The following YEATS2 variants were observed in gnomAD, a reference collection of about 807,000 sequenced individuals.
YEATS2 encodes the protein YEATS domain containing 2, also known as YEATS domain-containing protein 2.
In YEATS2, 77 loss-of-function variants were observed where a neutral mutation model predicts 163.2. That is an observed-to-expected ratio of 0.47 (90% CI 0.39 to 0.57). The LOEUF (loss-of-function observed/expected upper bound fraction) is 0.57. Among genes scored for constraint, YEATS2 ranks in the 20% least tolerant of loss-of-function variants. The probability of loss-of-function intolerance (pLI) is 0.00; values close to 1 mark genes in which losing one functional copy is unlikely to be tolerated. For synonymous variants in YEATS2, 631 were observed against 645.1 expected (o/e 0.98, Z 0.33); for missense variants, 1,549 against 1,729.8 (o/e 0.90, Z 1.85).
At chr3:183,705,766 G>A (rs1027894182) in intron 1 of YEATS2, among the ~76,000 whole-genome samples, 8 of 152,246 alleles carry the variant, frequency 5.3e-5, no homozygotes, top group South Asian at 2.1e-4. Flanking sequence ...ATGGCTGGGC[G>A]CAGTGGCTCA....
chr3:183,776,967 A>T (rs1195032685), intron 18 of YEATS2, among the ~76,000 whole-genome samples: 1 of 151,652 alleles, frequency 6.6e-6, no homozygotes, highest in African/African-American at 2.4e-5. Context: ...AAAAAAAAAA[A>T]GGAAAAGAAT....
intron 18 of YEATS2, among the ~76,000 whole-genome samples, 179 bp downstream of exon 18, chr3:183,776,302 G>C (rs556404879): frequency 6.6e-6 from 1 of 152,210 alleles, no homozygotes; most frequent in Admixed American, 6.5e-5. Context: ...CTAGCACTTT[G>C]GGAGGCCAAG....
intron 8 of YEATS2, among the ~76,000 whole-genome samples, chr3:183,743,464 C>A (rs540538665): frequency 6.6e-6 from 1 of 152,132 alleles, no homozygotes; most frequent in East Asian, 1.9e-4. Flanking sequence ...TCTCAGCGTC[C>A]CAGGTAGCTG....
At chr3:183,800,357 A>T in intron 23 of YEATS2, 109 bp from the exon 24 acceptor site, 1 of 714,804 alleles carries the variant, frequency 1.4e-6, no homozygotes, top group Admixed American at 2.6e-5. Context: ...CAACAGCTGG[A>T]GTGGCAGTTT....
chr3:183,762,598 C>T (rs916555730), intron 15 of YEATS2, among the ~76,000 whole-genome samples: 2 of 152,102 alleles, frequency 1.3e-5, no homozygotes, highest in Admixed American at 6.6e-5. Flanking sequence ...AAAAGGGATC[C>T]GCTGTTGACT....
rs796173579 is a variant in YEATS2 at position 183,733,603 on chromosome 3, A to T, written c.813-3115A>T. On this transcript the variant is annotated intron_variant, in intron 7 of 30. Coordinates refer to ENST00000305135, the MANE Select transcript of YEATS2 (RefSeq NM_018023.5). Reference sequence around the variant, plus strand: ...TCTTAAGATGTTTGTTGTGTTAGGTATCTAAAGTAATTTAACGAATAAGGG... The same window carrying T: ...TCTTAAGATGTTTGTTGTGTTAGGTTTCTAAAGTAATTTAACGAATAAGGG... Among the ~76,000 whole-genome samples the T allele has an allele frequency of 6.6e-5, 10 of 152,226 alleles. No homozygotes were observed. The South Asian group carries it at 8.3e-4, about 13-fold the overall frequency.
At chr3:183,763,215 A>G (rs949828711) in intron 15 of YEATS2, among the ~76,000 whole-genome samples, 1 of 152,186 alleles carries the variant, frequency 6.6e-6, no homozygotes, top group African/African-American at 2.4e-5. Flanking sequence ...AAATCCAGAT[A>G]GAATAGCTAA....
At chr3:183,706,106 G>T (rs1714590197) in intron 1 of YEATS2, among the ~76,000 whole-genome samples, 2 of 152,016 alleles carry the variant, frequency 1.3e-5, no homozygotes, top group Non-Finnish European at 2.9e-5. Flanking sequence ...GAACTTTGGA[G>T]GGAGAAGGTA....
At chr3:183,756,942 A>G (rs1018780718) in intron 12 of YEATS2, among the ~76,000 whole-genome samples, 1 of 152,192 alleles carries the variant, frequency 6.6e-6, no homozygotes, top group Non-Finnish European at 1.5e-5. Flanking sequence ...GAATGTTCTT[A>G]AAAGAATAGT....
intron 1 of YEATS2, among the ~76,000 whole-genome samples, chr3:183,713,733 A>G (rs1215604227): frequency 6.6e-6 from 1 of 152,268 alleles, no homozygotes; most frequent in Non-Finnish European, 1.5e-5. Context: ...GCACTGTCCA[A>G]TAAACTCGTG....
intron 1 of YEATS2, among the ~76,000 whole-genome samples, chr3:183,698,772 C>T (rs1713760100): frequency 6.6e-6 from 1 of 151,884 alleles, no homozygotes; most frequent in Admixed American, 6.6e-5. Context: ...GTAAAAAATG[C>T]GGTATAATAT....
In YEATS2 at chr3:183,707,979, C is replaced by T. The variant is rs140510044; in HGVS notation, c.-19-7165C>T. Among the ~76,000 whole-genome samples the T allele has an allele frequency of 4.3e-3, 655 of 151,922 alleles. 3 individuals are homozygous for T. The highest frequency in any genetic ancestry group is 0.015 in the African/African-American group (618 of 41,442). Reference sequence around the variant, plus strand: ...GTGAGCAGCCAGCATGCCCGGCGTCCCCCTCCCCAACTTTAAACCAGATGG... The same window carrying T: ...GTGAGCAGCCAGCATGCCCGGCGTCTCCCTCCCCAACTTTAAACCAGATGG... On this transcript the variant is annotated intron_variant, in intron 1 of 30. Coordinates refer to ENST00000305135, the MANE Select transcript of YEATS2 (RefSeq NM_018023.5).
chr3:183,757,675 G>C (rs1720912111), intron 12 of YEATS2, among the ~76,000 whole-genome samples: 1 of 152,132 alleles, frequency 6.6e-6, no homozygotes, highest in Non-Finnish European at 1.5e-5. Context: ...TGAAATAAAA[G>C]GGATGATTAT....
chr3:183,712,229 G>GTTATGTTATGTT (rs1715347256), intron 1 of YEATS2, among the ~76,000 whole-genome samples: 3 of 63,784 alleles, frequency 4.7e-5, no homozygotes, highest in African/African-American at 2.1e-4. Context: ...TTTATTTTTT[G>GTTATGTTATGTT]AGACAGAGTC....
At chr3:183,805,918 C>A (rs972996566) in intron 27 of YEATS2, among the ~76,000 whole-genome samples, 1 of 152,096 alleles carries the variant, frequency 6.6e-6, no homozygotes, top group African/African-American at 2.4e-5. Flanking sequence ...TCTGACTTCG[C>A]TGTGTAAGCT....
In YEATS2 at chr3:183,790,963, G is replaced by T. The variant is rs778780159; in HGVS notation, c.3080G>T (p.Gly1027Val). The change falls in exon 21 of 31, where the codon GGG (glycine) becomes GTG (valine). Residue 1027 changes from glycine to valine, a missense_variant. Transcript: ENST00000305135. Reference sequence around the variant, plus strand: ...GTGCCTACACCAAACCCCATCTCTGGGAAAGCCACAGTATCCGGTGAGTTG... The same window carrying T: ...GTGCCTACACCAAACCCCATCTCTGTGAAAGCCACAGTATCCGGTGAGTTG... ...SLVPTPNPIS[G>V]KATVSGLLKI... 6.2e-7 allele frequency: 1 copy of T among 1,613,696 alleles called. No individual in the cohort carries two copies. The highest frequency in any genetic ancestry group is 1.7e-5 in the Admixed American group (1 of 59,948).
At position 183,804,277 on chromosome 3, in the gene YEATS2, G is replaced by T; in HGVS notation, c.3784+89G>T. 2.0e-6 allele frequency: 3 copies of T among 1,506,488 alleles called. No individual in the cohort carries two copies. The South Asian group carries it at 3.7e-5, about 18-fold the overall frequency. The allele number at this position is 1,506,488 out of a possible 1,614,324, so 93.3% of individuals were successfully genotyped here. Reference sequence around the variant, plus strand: ...GAGATGAGGACTTGGAAGAGTTGCTGTAGAGAACGAGAGCCTTTCCTACCT... The same window carrying T: ...GAGATGAGGACTTGGAAGAGTTGCTTTAGAGAACGAGAGCCTTTCCTACCT... On this transcript the variant is annotated intron_variant, in intron 27 of 30. Transcript: ENST00000305135.
At chr3:183,797,269 GA>G (rs1167929691) in intron 21 of YEATS2, among the ~76,000 whole-genome samples, 127 of 72,616 alleles carry the variant, frequency 1.7e-3, no homozygotes, top group South Asian at 2.9e-3. Flanking sequence ...ATCCAACTCT[GA>G]AAAAAAAAAA....
chr3:183,762,148 G>A lies in YEATS2; in HGVS notation c.1816G>A (p.Ala606Thr). The change falls in exon 15 of 31, where the codon GCT becomes ACT. Residue 606 changes from alanine (A) to threonine (T), a missense_variant. Coordinates refer to ENST00000305135, the MANE Select transcript of YEATS2 (RefSeq NM_018023.5). ...AGCCCCTCACGTGCCCGCAACAGGA[G>A]CTGCCAGCCAGTCACCACTCCCGCA... Reference protein sequence around the residue: ...GEAPHVPATGAASQSPLPQYV... With the variant: ...GEAPHVPATGTASQSPLPQYV... The A allele has an allele frequency of 6.2e-7, 1 of 1,614,152 alleles. No individual in the cohort carries two copies. The highest frequency in any genetic ancestry group is 8.5e-7 in the Non-Finnish European group (1 of 1,180,022).
Sources: allele counts gnomAD v4.1 joint callset (sites outside exome capture counted in the v4.1 genomes callset), GRCh38; gene constraint gnomAD v4.1.1; transcripts MANE v1.5; gene names NCBI Gene and HGNC (gene_info 2026-07-23, HGNC 2026-07-21).